ADAM9: variants seen among roughly 807,000 people sequenced by gnomAD.
ADAM9 encodes ADAM metallopeptidase domain 9, also known as disintegrin and metalloproteinase domain-containing protein 9.
ADAM9 carries 54 observed loss-of-function variants against 108.1 expected under a neutral mutation model. The observed-to-expected ratio is 0.50, with a 90% CI of 0.40 to 0.63. The LOEUF is 0.63. ADAM9 is among the 20% of genes least tolerant of loss of function. The pLI is 0.00. For missense variants in ADAM9, 830 were observed against 997.7 expected (o/e 0.83, Z 2.26); for synonymous variants, 316 against 336.0 (o/e 0.94, Z 0.65).
At chr8:39,026,910 G>T in intron 11 of ADAM9, 100 bp downstream of exon 11, 1 of 1,435,780 alleles carries the variant, frequency 7.0e-7, no homozygotes. Flanking sequence ...AACAGGAAAT[G>T]TTATTTCCGG....
intron 7 of ADAM9, 40 bp downstream of exon 7, chr8:39,018,958 G>A (rs751895581): frequency 1.9e-6 from 3 of 1,540,772 alleles, no homozygotes; most frequent in East Asian, 2.2e-5. Context: ...CCATGAAAAG[G>A]ATATGAGAAG....
In ADAM9 at chr8:39,071,548, C is replaced by A. The variant is rs1008381913; in HGVS notation, c.1697+145C>A. 7.3e-6 allele frequency: 5 copies of A among 684,182 alleles called. No individual in the cohort carries two copies. In the African/African-American group the frequency reaches 7.4e-5, roughly 10 times the overall value. 42.4% of individuals were successfully genotyped at this position (684,182 alleles called of 1,614,324 possible). A position where few individuals can be genotyped will look rare whatever the true frequency, so the allele number is the denominator to read the frequency against. On this transcript the variant is annotated intron_variant, in intron 15 of 21. Coordinates refer to ENST00000487273, the MANE Select transcript of ADAM9 (RefSeq NM_003816.3). Reference sequence around the variant, plus strand: ...GTGGCGCGATCTCGGCTCGCTGCACCCTCCGCCTCCCAGGTTCAAGTGATT... The same window carrying A: ...GTGGCGCGATCTCGGCTCGCTGCACACTCCGCCTCCCAGGTTCAAGTGATT...
In ADAM9 at chr8:39,053,975, G is replaced by A. The variant is rs567418210; in HGVS notation, c.1303-506G>A. On this transcript the variant is annotated intron_variant, in intron 12 of 21. Transcript: ENST00000487273. ...TTTAAGGAAGTAATTAAGGTTAAACGAGGTCATAAGGATGGGGCCCTGATC... is the reference window on the plus strand; with the variant it reads ...TTTAAGGAAGTAATTAAGGTTAAACAAGGTCATAAGGATGGGGCCCTGATC... Among the ~76,000 whole-genome samples the A allele has an allele frequency of 2.6e-5, 4 of 152,112 alleles. No individual in the cohort carries two copies. In the South Asian group the frequency reaches 8.3e-4, roughly 32 times the overall value.
intron 1 of ADAM9, among the ~76,000 whole-genome samples, 171 bp from the exon 2 acceptor site, chr8:39,007,715 A>G (rs1020226029): frequency 6.6e-6 from 1 of 152,162 alleles, no homozygotes; most frequent in African/African-American, 2.4e-5. Flanking sequence ...ATGCATTGCT[A>G]TTTTCATGTA....
chr8:39,069,411 G>A (rs1838604049), intron 14 of ADAM9, among the ~76,000 whole-genome samples: 3 of 152,308 alleles, frequency 2.0e-5, no homozygotes, highest in Non-Finnish European at 4.4e-5. Flanking sequence ...TGAACATGTG[G>A]AGAATAAGGA....
At chr8:39,046,185 C>T (rs1837767344) in intron 12 of ADAM9, among the ~76,000 whole-genome samples, 1 of 151,956 alleles carries the variant, frequency 6.6e-6, no homozygotes, top group Non-Finnish European at 1.5e-5. Context: ...TGATCTTTTT[C>T]CTCACTTGTT....
intron 20 of ADAM9, among the ~76,000 whole-genome samples, chr8:39,101,589 C>G (rs1481231698): frequency 6.6e-6 from 1 of 151,894 alleles, no homozygotes; most frequent in East Asian, 1.9e-4. Flanking sequence ...ATAAAATTAC[C>G]CTGAGGTTAT....
At chr8:39,018,482 ATGTG>A (rs141447759) in intron 6 of ADAM9, 1 of 217,234 alleles carries the variant, frequency 4.6e-6, no homozygotes, top group South Asian at 7.2e-5. Context: ...GTGTGTTTGC[ATGTG>A]TGTGTGTGTG....
rs1564302084 is a variant in ADAM9, at chr8:39,045,464, G to GTGTGTGTACACACACCTATATGTGCA, written c.1302+3372_1302+3373insATGTGTGTACACACACCTATATGTGC. On this transcript the variant is annotated intron_variant, in intron 12 of 21. Coordinates refer to ENST00000487273, the MANE Select transcript of ADAM9 (RefSeq NM_003816.3). ...CGTGTGTACACACACCTATATGTGC[G>GTGTGTGTACACACACCTATATGTGCA]TGTGTGTACACACACCTATATGTGC... is the stretch of plus-strand genomic sequence containing the variant. Among the ~76,000 whole-genome samples, 41 of 146,778 alleles carry GTGTGTGTACACACACCTATATGTGCA rather than the reference G, an allele frequency of 2.8e-4. 6 individuals are homozygous for GTGTGTGTACACACACCTATATGTGCA. In the East Asian group the frequency reaches 6.8e-3, roughly 24 times the overall value.
chr8:39,046,478 A>G (rs900838463), intron 12 of ADAM9, among the ~76,000 whole-genome samples: 5 of 152,184 alleles, frequency 3.3e-5, no homozygotes, highest in Non-Finnish European at 7.3e-5. Context: ...TGTTCTGGCT[A>G]GGACTTCCAA....
At chr8:39,075,779 C>T (rs1479856720) in intron 15 of ADAM9, 1 of 152,182 alleles carries the variant, frequency 6.6e-6, no homozygotes, top group East Asian at 1.9e-4. Context: ...CTACTTTATG[C>T]TACACTTTGT....
intron 18 of ADAM9, among the ~76,000 whole-genome samples, chr8:39,087,677 C>T (rs1005860946): frequency 3.3e-5 from 5 of 152,080 alleles, no homozygotes; most frequent in Admixed American, 1.3e-4. Context: ...ACTAACAGTG[C>T]GAAGGTATCA....
intron 20 of ADAM9, among the ~76,000 whole-genome samples, chr8:39,100,054 G>A (rs1307863382): frequency 6.6e-6 from 1 of 151,330 alleles, no homozygotes; most frequent in African/African-American, 2.4e-5. Context: ...TGATTTTTTT[G>A]TAGAGACGGG....
At chr8:39,073,797 T>C (rs1233713749) in intron 15 of ADAM9, among the ~76,000 whole-genome samples, 1 of 152,194 alleles carries the variant, frequency 6.6e-6, no homozygotes. Flanking sequence ...ACTATACTTA[T>C]CAAACTTTAA....
chr8:39,017,706 G>T (rs187645224), intron 6 of ADAM9, among the ~76,000 whole-genome samples: 11 of 152,156 alleles, frequency 7.2e-5, no homozygotes, highest in African/African-American at 2.7e-4. Context: ...TCCTGCCTCA[G>T]CATCCCAGTA....
intron 19 of ADAM9, 72 bp from the exon 20 acceptor site, chr8:39,091,187 C>T: frequency 7.0e-7 from 1 of 1,427,786 alleles, no homozygotes; most frequent in South Asian, 1.1e-5. Context: ...TGGGAAAATG[C>T]AAAATGTGTG....
chr8:39,056,527 T>C (rs1200931360), intron 14 of ADAM9, among the ~76,000 whole-genome samples: 1 of 152,188 alleles, frequency 6.6e-6, no homozygotes, highest in Non-Finnish European at 1.5e-5. Context: ...ATGCTGATTT[T>C]CCATTCTTCA....
chr8:39,083,499 C>T (rs953778066), intron 18 of ADAM9, among the ~76,000 whole-genome samples: 2 of 152,238 alleles, frequency 1.3e-5, no homozygotes, highest in South Asian at 4.1e-4. Flanking sequence ...CCTCATTTCA[C>T]TATGTTGAAG....
In ADAM9 at chr8:39,072,550, T is replaced by C. The variant is rs372041653; in HGVS notation, c.1697+1147T>C. ...TCTCCCCTGACCCCATGTGATTTCG[T>C]TTACTTCCGTGGCTTCATTTGCCTC... On this transcript the variant is annotated intron_variant, in intron 15 of 21. Transcript: ENST00000487273. Among the ~76,000 whole-genome samples, 6 of 152,226 alleles carry C rather than the reference T, an allele frequency of 3.9e-5. No homozygotes were observed. The East Asian group carries it at 1.2e-3, about 29-fold the overall frequency.
Sources: gnomAD v4.1 joint callset for allele counts (sites outside exome capture counted in the v4.1 genomes callset) on GRCh38, gnomAD v4.1.1 for gene constraint, MANE v1.5 for transcripts, NCBI Gene and HGNC (gene_info 2026-07-23, HGNC 2026-07-21) for gene names.